Variants in SEMA3E observed in about 807,000 individuals in gnomAD.
The protein encoded by SEMA3E is semaphorin-3E.
SEMA3E carries 49 observed loss-of-function variants against 93.6 expected under a neutral mutation model. That is an observed-to-expected ratio of 0.52 (90% CI 0.42 to 0.66). The LOEUF (loss-of-function observed/expected upper bound fraction) is 0.66, where lower values mean the gene tolerates loss of function less well. Ranked by LOEUF, SEMA3E falls within the 30% of genes least tolerant of loss-of-function variation. SEMA3E has a pLI of 0.00. For synonymous variants in SEMA3E, 363 were observed against 330.7 expected (o/e 1.10, Z -1.06); for missense variants, 906 against 964.8 (o/e 0.94, Z 0.81).
chr7:83,385,871 T>C (rs4610686), intron 15 of SEMA3E, among the ~76,000 whole-genome samples: 6,407 of 152,172 alleles, frequency 0.042, 197 homozygotes, highest in African/African-American at 0.079. Flanking sequence ...TGACAAGGGA[T>C]TGCATTTATC....
chr7:83,633,833 G>A (rs1031221370), intron 1 of SEMA3E, among the ~76,000 whole-genome samples: 4 of 152,138 alleles, frequency 2.6e-5, no homozygotes, highest in Non-Finnish European at 4.4e-5. Flanking sequence ...GAAACTTGGA[G>A]CTTGGCTGGG....
At chr7:83,456,968 T>G (rs560912213) in intron 4 of SEMA3E, among the ~76,000 whole-genome samples, 71 of 152,332 alleles carry the variant, frequency 4.7e-4, no homozygotes, top group Non-Finnish European at 9.7e-4. Flanking sequence ...TATGTCACTA[T>G]TCAGTAATCT....
At chr7:83,566,850 G>C (rs1792170628) in intron 1 of SEMA3E, among the ~76,000 whole-genome samples, 1 of 152,026 alleles carries the variant, frequency 6.6e-6, no homozygotes, top group South Asian at 2.1e-4. Context: ...ATGATAAGAA[G>C]AGAGAAAGAA....
At chr7:83,450,925 CT>C (rs1409403663) in intron 4 of SEMA3E, among the ~76,000 whole-genome samples, 33 of 152,226 alleles carry the variant, frequency 2.2e-4, no homozygotes, top group Admixed American at 9.2e-4. Flanking sequence ...GGGCAATAAG[CT>C]TTGGTTGTGT....
intron 4 of SEMA3E, among the ~76,000 whole-genome samples, chr7:83,436,521 G>C (rs1308679653): frequency 6.6e-6 from 1 of 151,734 alleles, no homozygotes; most frequent in Admixed American, 6.6e-5. Flanking sequence ...ATATATTTAT[G>C]TTTCTGTTAC....
Position 83,402,690 on chromosome 7 carries a change from C to T in SEMA3E, c.1085G>A (p.Gly362Glu), listed in dbSNP as rs1485376680. Residue 362 changes from glycine (G) to glutamate (E), a missense_variant, in exon 10 of 17, where the codon GGA (glycine) becomes GAA (glutamate). Gly to Glu is a moderately conservative substitution (Grantham distance 98, BLOSUM62 -2). Coordinates refer to ENST00000643230, the MANE Select transcript of SEMA3E (RefSeq NM_012431.3). ...ATAGACTGACCAGTGGTATTCAGGT[C>T]CTTCCTTATGTGCATATGGTCCGTT... ...AFNGPYAHKE[G>E]PEYHWSVYEG... 23 of 1,612,926 alleles carry T rather than the reference C, an allele frequency of 1.4e-5. No homozygotes were observed. In the Admixed American group the frequency reaches 3.8e-4, roughly 27 times the overall value.
intron 9 of SEMA3E, among the ~76,000 whole-genome samples, chr7:83,404,491 C>T (rs991909451): frequency 6.6e-6 from 1 of 151,840 alleles, no homozygotes. Context: ...TATTTTTTAT[C>T]CTAATCATTT....
intron 4 of SEMA3E, among the ~76,000 whole-genome samples, chr7:83,463,694 T>C (rs2723008): frequency 0.55 from 82,626 of 149,582 alleles, 23,172 homozygotes; most frequent in East Asian, 0.86. Flanking sequence ...CAAAGGCAGG[T>C]TATACTATAG....
intron 1 of SEMA3E, among the ~76,000 whole-genome samples, chr7:83,586,508 G>C (rs1490760541): frequency 6.6e-6 from 1 of 151,780 alleles, no homozygotes; most frequent in East Asian, 1.9e-4. Flanking sequence ...GTCTGGGACT[G>C]CCAAGAGAGT....
At position 83,368,014 on chromosome 7, in the gene SEMA3E, T is replaced by G. The variant is rs1421745476; in HGVS notation, c.1900A>C (p.Lys634Gln). The stretch of plus-strand genomic sequence containing the variant: ...AGGAAGAGTAAACCAAGGTCCATCT[T>G]AACCACTCTGTCATCTGTCTTCACC... ...EEVKTDDRVV[K>Q]MDLGLLFLRL... Residue 634 changes from lysine to glutamine, a missense_variant, in exon 17 of 17, where the codon AAG (lysine) becomes CAG (glutamine). Physicochemically the swap from Lys to Gln is moderately conservative, Grantham distance 53. Transcript: ENST00000643230. 1 of 1,614,022 alleles carries G rather than the reference T, an allele frequency of 6.2e-7. No homozygotes were observed.
chr7:83,575,409 A>C (rs188496583), intron 1 of SEMA3E, among the ~76,000 whole-genome samples: 4 of 151,866 alleles, frequency 2.6e-5, no homozygotes, highest in Non-Finnish European at 5.9e-5. Context: ...AATTTTTATC[A>C]TGTAAATATT....
At chr7:83,499,176 AGCACT>A (rs1322401555) in intron 1 of SEMA3E, among the ~76,000 whole-genome samples, 1 of 152,222 alleles carries the variant, frequency 6.6e-6, no homozygotes, top group Non-Finnish European at 1.5e-5. Flanking sequence ...CTACTAATAC[AGCACT>A]GCAATGTATA....
intron 12 of SEMA3E, among the ~76,000 whole-genome samples, chr7:83,396,157 TAA>T (rs1283944422): frequency 1.3e-5 from 2 of 152,142 alleles, no homozygotes; most frequent in Non-Finnish European, 1.5e-5. Context: ...CTATGTATGT[TAA>T]GTGTATCTGC....
intron 1 of SEMA3E, among the ~76,000 whole-genome samples, chr7:83,537,744 T>G (rs1460102886): frequency 6.6e-6 from 1 of 152,156 alleles, no homozygotes; most frequent in Non-Finnish European, 1.5e-5. Context: ...ATTAAATAGT[T>G]TTCAGTAAAG....
chr7:83,621,344 G>A (rs1401171900), intron 1 of SEMA3E, among the ~76,000 whole-genome samples: 1 of 152,108 alleles, frequency 6.6e-6, no homozygotes, highest in Non-Finnish European at 1.5e-5. Context: ...TGAAATCAGA[G>A]AGGACACAAC....
intron 2 of SEMA3E, among the ~76,000 whole-genome samples, chr7:83,483,964 G>A (rs1790200108): frequency 6.6e-6 from 1 of 152,084 alleles, no homozygotes; most frequent in South Asian, 2.1e-4. Flanking sequence ...TGAATACTTG[G>A]ACTCATACAT....
chr7:83,410,867 A>G (rs9791983), intron 5 of SEMA3E, among the ~76,000 whole-genome samples: 76,698 of 151,692 alleles, frequency 0.51, 22,229 homozygotes, highest in East Asian at 0.85. Flanking sequence ...AAATATAAAG[A>G]CCAGCTTGTT....
At chr7:83,450,599 T>C (rs1789339194) in intron 4 of SEMA3E, among the ~76,000 whole-genome samples, 1 of 151,996 alleles carries the variant, frequency 6.6e-6, no homozygotes. Context: ...ATTTTGGGGG[T>C]AGTTATTGAA....
intron 4 of SEMA3E, among the ~76,000 whole-genome samples, chr7:83,461,382 TC>T (rs1312715375): frequency 1.8e-4 from 27 of 152,254 alleles, no homozygotes; most frequent in Middle Eastern, 3.4e-3. Context: ...CAATTCTACC[TC>T]AGCCTCTGCT....
Sources: allele counts gnomAD v4.1 joint callset (sites outside exome capture counted in the v4.1 genomes callset), GRCh38; gene constraint gnomAD v4.1.1; transcripts MANE v1.5; gene names NCBI Gene and HGNC (gene_info 2026-07-23, HGNC 2026-07-21).